The following CBL variants were observed in gnomAD, a reference collection of about 807,000 sequenced individuals.
CBL encodes E3 ubiquitin-protein ligase CBL.
In CBL, 45 loss-of-function variants were observed where a neutral mutation model predicts 96.9. The ratio of observed to expected loss-of-function variants is 0.46; its 90% confidence interval spans 0.37 to 0.60. The LOEUF is 0.60. CBL is among the 20% of genes least tolerant of loss of function. The pLI is 0.00. For synonymous variants in CBL, 420 were observed against 426.8 expected (o/e 0.98, Z 0.20); for missense variants, 1,024 against 1,143.5 (o/e 0.90, Z 1.51).
At chr11:119,257,842 C>T (rs928114335) in intron 2 of CBL, among the ~76,000 whole-genome samples, 1 of 152,064 alleles carries the variant, frequency 6.6e-6, no homozygotes, top group Non-Finnish European at 1.5e-5. Flanking sequence ...TATGCTTTGT[C>T]AAAGATCAGT....
rs1413399687 is a variant in CBL, at chr11:119,302,077, T to A, written c.*2296T>A. The A allele has an allele frequency of 4.3e-6, 1 of 232,856 alleles. No homozygotes were observed. Among genetic ancestry groups the A allele is most frequent in the Non-Finnish European group, 8.5e-6 (1 of 117,890 alleles). 14.4% of individuals were successfully genotyped at this position (232,856 alleles called of 1,614,324 possible). On this transcript the variant is annotated 3_prime_UTR_variant, in exon 16 of 16. Coordinates refer to ENST00000264033, the MANE Select transcript of CBL (RefSeq NM_005188.4). ...TCCCTACTGTGTAGGTTAAGGGCAG[T>A]CTCGACTTTTCCTTTTTTGAGTCCT... is the stretch of plus-strand genomic sequence containing the variant.
chr11:119,241,359 T>C (rs757390247), intron 2 of CBL, among the ~76,000 whole-genome samples: 2 of 152,208 alleles, frequency 1.3e-5, no homozygotes, highest in Non-Finnish European at 2.9e-5. Context: ...AAAACTTGAT[T>C]GTATTCATTG....
At chr11:119,272,700 G>A (rs1240976505) in intron 3 of CBL, among the ~76,000 whole-genome samples, 1 of 152,184 alleles carries the variant, frequency 6.6e-6, no homozygotes, top group East Asian at 1.9e-4. Context: ...TGAGAAGGGA[G>A]ATTGAGCTTC....
chr11:119,270,472 A>T (rs1949837630), intron 2 of CBL, among the ~76,000 whole-genome samples: 1 of 86,706 alleles, frequency 1.2e-5, no homozygotes, highest in Non-Finnish European at 2.1e-5. Context: ...TTTGAGACGG[A>T]GTCTCGCTCT....
intron 2 of CBL, among the ~76,000 whole-genome samples, chr11:119,235,939 A>G (rs902544890): frequency 6.6e-6 from 1 of 152,192 alleles, no homozygotes; most frequent in Admixed American, 6.5e-5. Context: ...CATTTTTTCA[A>G]TCAACTTTCT....
chr11:119,280,099 T>G, intron 9 of CBL, among the ~76,000 whole-genome samples: 1 of 152,258 alleles, frequency 6.6e-6, no homozygotes, highest in East Asian at 1.9e-4. Flanking sequence ...ACCAGCCTCA[T>G]GTATTTTGTC....
At chr11:119,235,139 A>T (rs1162477523) in intron 2 of CBL, among the ~76,000 whole-genome samples, 1 of 151,686 alleles carries the variant, frequency 6.6e-6, no homozygotes. Context: ...TTTGAGATGG[A>T]GTCTCACTCT....
intron 9 of CBL, 45 bp downstream of exon 9, chr11:119,278,758 T>C: frequency 1.3e-6 from 2 of 1,493,442 alleles, no homozygotes; most frequent in South Asian, 1.1e-5. Context: ...TTGTGAGTTG[T>C]CTTCTAAAGC....
intron 1 of CBL, among the ~76,000 whole-genome samples, chr11:119,219,032 T>C (rs12273368): frequency 0.34 from 51,016 of 151,878 alleles, 9,190 homozygotes; most frequent in South Asian, 0.59. Context: ...ACCCTGGGCA[T>C]GTGGTGAAAC....
chr11:119,222,899 G>A (rs1029308574), intron 1 of CBL, among the ~76,000 whole-genome samples: 4 of 152,078 alleles, frequency 2.6e-5, no homozygotes, highest in Non-Finnish European at 4.4e-5. Flanking sequence ...ATGGCCAGGC[G>A]TGGTGGCTCT....
At chr11:119,271,595 G>A (rs1424239555) in intron 2 of CBL, 140 bp from the exon 3 acceptor site, 1 of 764,574 alleles carries the variant, frequency 1.3e-6, no homozygotes, top group Non-Finnish European at 2.2e-6. Context: ...AATAATACTG[G>A]CCAGAAAGAA....
At chr11:119,208,509 C>T (rs1016794051) in intron 1 of CBL, among the ~76,000 whole-genome samples, 8 of 151,918 alleles carry the variant, frequency 5.3e-5, no homozygotes, top group African/African-American at 1.9e-4. Flanking sequence ...CGTGCCTCAG[C>T]CTCCCGAGTA....
In CBL at chr11:119,224,959, G is replaced by A. The variant is rs148635865; in HGVS notation, c.196-7489G>A. Among the ~76,000 whole-genome samples, 99 of 151,926 alleles carry A rather than the reference G, an allele frequency of 6.5e-4. 1 individual carries two copies. The East Asian group carries it at 0.013, about 19-fold the overall frequency. On this transcript the variant is annotated intron_variant, in intron 1 of 15. Coordinates refer to ENST00000264033, the MANE Select transcript of CBL (RefSeq NM_005188.4). ...AAGAACTTCGTATAAGCAGACCCAC[G>A]CTTTCAAACCCATGTTGTTGAAGGG...
rs1950119663 is a variant in CBL at position 119,304,182 on chromosome 11, A to C, written c.*4401A>C. 4.3e-6 allele frequency: 1 copy of C among 233,226 alleles called. No homozygotes were observed. The highest frequency in any genetic ancestry group is 8.5e-6 in the Non-Finnish European group (1 of 118,066). 14.4% of individuals were successfully genotyped at this position (233,226 alleles called of 1,614,324 possible). A position where few individuals can be genotyped will look rare whatever the true frequency, so the allele number is the denominator to read the frequency against. ...CACACATCATTCTACCAGACCTTAG[A>C]GCTTTAGAAGCTCAATCTAAAATAC... On this transcript the variant is annotated 3_prime_UTR_variant, in exon 16 of 16. Coordinates refer to ENST00000264033, the MANE Select transcript of CBL (RefSeq NM_005188.4).
intron 1 of CBL, among the ~76,000 whole-genome samples, chr11:119,214,647 T>C (rs144958558): frequency 1.1e-3 from 169 of 152,350 alleles, no homozygotes; most frequent in African/African-American, 3.7e-3. Flanking sequence ...CTTCAAATTA[T>C]GTGTGCTAGT....
In CBL at chr11:119,298,489, A is replaced by G; in HGVS notation, c.2383A>G (p.Asn795Asp). 5 of 1,614,148 alleles carry G rather than the reference A, an allele frequency of 3.1e-6. No homozygotes were observed. The highest frequency in any genetic ancestry group is 4.2e-6 in the Non-Finnish European group (5 of 1,180,022). ...LARRTLSDIS[N>D]ASSSFGWLSL... is the part of the protein sequence containing the mutation. The stretch of plus-strand genomic sequence containing the variant: ...CCGCCGAACTCTCTCAGATATCTCT[A>G]ATGCCAGCTCCTCCTTTGGCTGGTT... The change falls in exon 15 of 16, where the codon AAT (asparagine) becomes GAT (aspartate). Residue 795 changes from asparagine to aspartate, a missense_variant. Around this residue, in one of 4 missense-constraint regions of CBL, gnomAD observed 695 missense variants for 661.6 expected, o/e 1.05. Transcript: ENST00000264033.
intron 1 of CBL, among the ~76,000 whole-genome samples, chr11:119,212,971 T>TC (rs34730741): frequency 0.31 from 34,043 of 109,972 alleles, 4,179 homozygotes; most frequent in East Asian, 0.51. Context: ...AAACTCCGTC[T>TC]CAAAAAAAAA....
In CBL at chr11:119,293,515, A is replaced by G. The variant is rs3829262; in HGVS notation, c.2037-3403A>G. ...GCCAAAATATCTATTTAGCTTTTCA[A>G]TTGCTGCTTTCTGCTTGTTTTCTCA... On this transcript the variant is annotated intron_variant, in intron 12 of 15. Coordinates refer to ENST00000264033, the MANE Select transcript of CBL (RefSeq NM_005188.4). Among the ~76,000 whole-genome samples the G allele has an allele frequency of 4.1e-4, 62 of 152,216 alleles. No individual in the cohort carries two copies. The East Asian group carries it at 0.01, about 26-fold the overall frequency.
In CBL at chr11:119,301,961, G is replaced by A; in HGVS notation, c.*2180G>A. ...TAATTTTTCTTTATCTGCAGATATT[G>A]CCTGTAGTCTAAAGATCTCTTTGGA... On this transcript the variant is annotated 3_prime_UTR_variant, in exon 16 of 16. Coordinates refer to ENST00000264033, the MANE Select transcript of CBL (RefSeq NM_005188.4). The A allele has an allele frequency of 4.3e-6, 1 of 232,704 alleles. No homozygotes were observed. Among genetic ancestry groups the A allele is most frequent in the East Asian group, 6.0e-5 (1 of 16,586 alleles). The allele number at this position is 232,704 out of a possible 1,614,324, so 14.4% of individuals were successfully genotyped here.
Sources: allele counts gnomAD v4.1 joint callset (sites outside exome capture counted in the v4.1 genomes callset), GRCh38; gene constraint gnomAD v4.1.1; regional missense constraint gnomAD v4.1.1; transcripts MANE v1.5; gene names NCBI Gene and HGNC (gene_info 2026-07-23, HGNC 2026-07-21).